C12orf42: variants seen among roughly 807,000 people sequenced by gnomAD.
C12orf42 encodes the protein chromosome 12 open reading frame 42.
C12orf42 carries 25 observed loss-of-function variants against 21.6 expected under a neutral mutation model. The ratio of observed to expected loss-of-function variants is 1.16; its 90% CI spans 0.84 to 1.62. The LOEUF (loss-of-function observed/expected upper bound fraction) is 1.62, where lower values mean the gene tolerates loss of function less well. C12orf42 is among the 40% of genes most tolerant of loss of function. The pLI is 0.00. For missense variants in C12orf42, 483 were observed against 459.3 expected, an observed-to-expected ratio of 1.05 and a Z score of -0.47; for synonymous variants, 174 against 175.0, an observed-to-expected ratio of 0.99 and a Z score of 0.05.
chr12:103,244,546 T>C (rs1189125667), intron 10 of C12orf42, among the ~76,000 whole-genome samples: 1 of 150,790 alleles, frequency 6.6e-6, no homozygotes, highest in Non-Finnish European at 1.5e-5. Context: ...GTGTTCAGCA[T>C]TCTTTGAAAA....
the C12orf42 span, among the ~76,000 whole-genome samples, chr12:103,515,620 T>C: frequency 6.6e-6 from 1 of 152,154 alleles, no homozygotes; most frequent in African/African-American, 2.4e-5. Context: ...GAAGTGCAAA[T>C]CAAGGCCTTT....
chr12:103,498,173 C>T (rs963085829), upstream of C12orf42, among the ~76,000 whole-genome samples: 11 of 152,260 alleles, frequency 7.2e-5, no homozygotes, highest in African/African-American at 2.6e-4. Flanking sequence ...AGAATCAGAG[C>T]AATGCAATCA....
chr12:103,172,172 C>T, the C12orf42 span, among the ~76,000 whole-genome samples: 1 of 151,956 alleles, frequency 6.6e-6, no homozygotes, highest in Non-Finnish European at 1.5e-5. Context: ...ATGAATAAGA[C>T]AGGTCTCCTG....
chr12:103,183,709 AT>A, the C12orf42 span, among the ~76,000 whole-genome samples: 3 of 152,012 alleles, frequency 2.0e-5, no homozygotes, highest in African/African-American at 7.2e-5. Flanking sequence ...TGTGTTACAA[AT>A]TTTCTTCTCA....
chr12:103,147,651 G>A, the C12orf42 span, among the ~76,000 whole-genome samples: 1 of 107,152 alleles, frequency 9.3e-6, no homozygotes, highest in Non-Finnish European at 1.7e-5. Flanking sequence ...TGTAATGTAC[G>A]ACAGTAACTA....
the C12orf42 span, among the ~76,000 whole-genome samples, chr12:103,146,559 GAAAAGAAAGAAAGAAA>G: frequency 8.4e-4 from 24 of 28,610 alleles, no homozygotes; most frequent in African/African-American, 3.5e-3. Flanking sequence ...AATAAAGAAA[GAAAAGAAAGAAAGAAA>G]GAAAGAAAGA....
chr12:103,550,946 A>G, the C12orf42 span, among the ~76,000 whole-genome samples: 1 of 151,970 alleles, frequency 6.6e-6, no homozygotes, highest in Non-Finnish European at 1.5e-5. Context: ...AGGATTATCT[A>G]TAGTTTTCTT....
the C12orf42 span, chr12:103,151,990 G>A: frequency 2.0e-5 from 3 of 152,316 alleles, no homozygotes; most frequent in South Asian, 6.2e-4. Flanking sequence ...ATTTGATGCA[G>A]GGGAGATTCT....
At chr12:103,382,896 A>G (rs1377780232) in intron 3 of C12orf42, among the ~76,000 whole-genome samples, 3 of 152,002 alleles carry the variant, frequency 2.0e-5, no homozygotes, top group African/African-American at 4.8e-5. Flanking sequence ...GAGTTCTTTC[A>G]CTTCTTCTCT....
intron 4 of C12orf42, among the ~76,000 whole-genome samples, chr12:103,314,097 A>G (rs1479907087): frequency 6.6e-6 from 1 of 152,216 alleles, no homozygotes; most frequent in African/African-American, 2.4e-5. Context: ...TAGTCATTTC[A>G]GGAGTGGAAA....
chr12:103,310,917 C>G (rs1196229925), intron 4 of C12orf42, among the ~76,000 whole-genome samples: 3 of 152,156 alleles, frequency 2.0e-5, no homozygotes. Flanking sequence ...ACACTAGAAC[C>G]AATAGCATTC....
At chr12:103,160,866 G>A in the C12orf42 span, among the ~76,000 whole-genome samples, 1 of 152,156 alleles carries the variant, frequency 6.6e-6, no homozygotes, top group East Asian at 1.9e-4. Context: ...TGGACTTACT[G>A]GATTTGTGTG....
At chr12:103,118,565 A>G in the C12orf42 span, among the ~76,000 whole-genome samples, 1,152 of 152,072 alleles carry the variant, frequency 7.6e-3, 17 homozygotes, top group African/African-American at 0.026. Flanking sequence ...TTGGGAGGCC[A>G]AGGCGGGCGG....
chr12:103,552,177 GCT>G, the C12orf42 span, among the ~76,000 whole-genome samples: 1 of 152,162 alleles, frequency 6.6e-6, no homozygotes, highest in Non-Finnish European at 1.5e-5. Flanking sequence ...TAGGTGACAT[GCT>G]GTAGAAAATT....
At chr12:103,382,310 A>G (rs900819301) in intron 3 of C12orf42, among the ~76,000 whole-genome samples, 1 of 152,204 alleles carries the variant, frequency 6.6e-6, no homozygotes, top group African/African-American at 2.4e-5. Context: ...TAGTAACAAA[A>G]TGTCCACGTC....
chr12:103,128,003 T>C, the C12orf42 span, among the ~76,000 whole-genome samples: 2 of 152,242 alleles, frequency 1.3e-5, no homozygotes, highest in Non-Finnish European at 2.9e-5. Flanking sequence ...TTGACTAGCC[T>C]TTCTCCTCCT....
chr12:103,118,599 C>A, the C12orf42 span, among the ~76,000 whole-genome samples: 2 of 151,810 alleles, frequency 1.3e-5, no homozygotes, highest in South Asian at 2.1e-4. Context: ...GAGATCGAGA[C>A]CATCCTGGCT....
chr12:103,430,537 T>C (rs999477935), intron 2 of C12orf42, among the ~76,000 whole-genome samples: 1 of 152,180 alleles, frequency 6.6e-6, no homozygotes, highest in African/African-American at 2.4e-5. Flanking sequence ...AGTTCAACCA[T>C]TGTGGAAGAC....
chr12:103,298,563 T>A (rs1490485177), downstream of C12orf42, among the ~76,000 whole-genome samples: 2 of 152,260 alleles, frequency 1.3e-5, no homozygotes, highest in Non-Finnish European at 2.9e-5. Context: ...GCCACCCCCA[T>A]CAATCTACCA....
Sources: gnomAD v4.1 joint callset for allele counts (sites outside exome capture counted in the v4.1 genomes callset) on GRCh38, gnomAD v4.1.1 for gene constraint, MANE v1.5 for transcripts, NCBI Gene and HGNC (gene_info 2026-07-23, HGNC 2026-07-21) for gene names.